The following PAK3 variants were observed in gnomAD, a reference collection of about 807,000 sequenced individuals.
PAK3 encodes p21 (RAC1) activated kinase 3.
Under a neutral mutation model 41.0 loss-of-function variants are expected in PAK3, and 4 were observed. The observed-to-expected ratio is 0.10, with a 90% CI of 0.05 to 0.22. The LOEUF is 0.22. Among genes scored for constraint, PAK3 ranks in the 10% least tolerant of loss-of-function variants. PAK3 has a pLI of 1.00. For missense variants in PAK3, 205 were observed against 409.9 expected (o/e 0.50, Z 4.32); for synonymous variants, 146 against 139.6 (o/e 1.05, Z -0.32).
At chrX:111,188,908 C>A (rs1399951541) in intron 11 of PAK3, among the ~76,000 whole-genome samples, 1 of 111,869 alleles carries the variant, frequency 8.9e-6, no homozygotes, top group Non-Finnish European at 1.9e-5. Context: ...ACCAGAGTCA[C>A]TTTTATTTAT....
At chrX:111,032,267 T>G (rs1426605883) in intron 1 of PAK3, among the ~76,000 whole-genome samples, 1 of 112,114 alleles carries the variant, frequency 8.9e-6, no homozygotes, top group Non-Finnish European at 1.9e-5. Context: ...TCAGAAACTT[T>G]CCCAAGCTTG....
At position 111,224,371 on chromosome X, in the gene PAK3, C is replaced by T. The variant is rs1054220917; in HGVS notation, c.*3924C>T. 3 of 111,330 alleles carry T rather than the reference C, an allele frequency of 2.7e-5. No homozygotes were observed. The highest frequency in any genetic ancestry group is 6.5e-5 in the African/African-American group (2 of 30,598). The allele number at this position is 111,330 out of a possible 1,213,427, so 9.2% of individuals were successfully genotyped here. On this transcript the variant is annotated 3_prime_UTR_variant, in exon 18 of 18. Transcript: ENST00000372007. ...TGTTGCAGATATTGCCTTTCTGGAA[C>T]GTTTTAACAGACTCTCAGGTTGAAT... is the stretch of plus-strand genomic sequence containing the variant.
chrX:111,122,817 C>G (rs2093597741), intron 4 of PAK3, among the ~76,000 whole-genome samples: 1 of 111,474 alleles, frequency 9.0e-6, no homozygotes, highest in Admixed American at 9.5e-5. Context: ...GTGGGAAAAG[C>G]AAAGGGACTT....
intron 1 of PAK3, among the ~76,000 whole-genome samples, chrX:110,986,040 CTAGT>C (rs1269379924): frequency 9.0e-6 from 1 of 111,686 alleles, no homozygotes; most frequent in Non-Finnish European, 1.9e-5. Flanking sequence ...GAGTGTAGGT[CTAGT>C]TAGTGTCCCC....
chrX:111,022,723 C>T (rs1409845938), intron 1 of PAK3, among the ~76,000 whole-genome samples: 2 of 110,966 alleles, frequency 1.8e-5, no homozygotes, highest in Non-Finnish European at 3.8e-5. Flanking sequence ...CTGAATGCTC[C>T]ACTTGAAAGA....
chrX:110,978,664 T>C (rs893318825), intron 1 of PAK3, among the ~76,000 whole-genome samples: 1 of 111,174 alleles, frequency 9.0e-6, no homozygotes, highest in Non-Finnish European at 1.9e-5. Context: ...CTTTCTTTCT[T>C]CCTTTCTTCT....
chrX:111,132,620 C>T (rs190018818), intron 5 of PAK3, among the ~76,000 whole-genome samples: 3 of 111,475 alleles, frequency 2.7e-5, no homozygotes, highest in East Asian at 2.8e-4. Flanking sequence ...AATGGAAGAC[C>T]ACAGGATAGA....
At chrX:110,991,331 C>T (rs2091642163) in intron 1 of PAK3, among the ~76,000 whole-genome samples, 2 of 111,562 alleles carry the variant, frequency 1.8e-5, no homozygotes, top group Admixed American at 1.9e-4. Context: ...ATGATTAGTA[C>T]TCAATAAATG....
chrX:111,186,547 G>A (rs1041174166), intron 11 of PAK3, among the ~76,000 whole-genome samples: 2 of 111,349 alleles, frequency 1.8e-5, no homozygotes, highest in Non-Finnish European at 1.9e-5. Context: ...GCTACAAAAA[G>A]AATAAAATAC....
intron 4 of PAK3, among the ~76,000 whole-genome samples, chrX:111,120,910 C>A (rs902932042): frequency 2.0e-4 from 22 of 111,862 alleles, no homozygotes; most frequent in African/African-American, 6.8e-4. Context: ...TTCTCTGTGA[C>A]TAAATTAAAA....
chrX:111,116,571 G>A (rs2148967289), intron 4 of PAK3, among the ~76,000 whole-genome samples: 1 of 111,908 alleles, frequency 8.9e-6, no homozygotes, highest in African/African-American at 3.2e-5. Flanking sequence ...GCAGTATATG[G>A]AGTCTGGATG....
Position 111,196,457 on chromosome X carries a change from C to T in PAK3, c.1224C>T (p.Phe408=). The part of the protein sequence containing the change: ...DGSVKLTDFG[F]CAQITPEQSK... ...TCTTCTCTGCAGCTGACTTTGGGTT[C>T]TGTGCCCAGATCACTCCTGAGCAAA... The change falls in exon 16 of 18, where the codon TTC becomes TTT. Residue 408 remains phenylalanine, a synonymous_variant. Transcript: ENST00000372007. The T allele has an allele frequency of 8.3e-7, 1 of 1,209,327 alleles. No individual in the cohort carries two copies. The highest frequency in any genetic ancestry group is 1.1e-6 in the Non-Finnish European group (1 of 893,152).
At chrX:111,144,785 G>A in intron 6 of PAK3, 4 of 558,157 alleles carry the variant, frequency 7.2e-6, no homozygotes, top group Non-Finnish European at 8.7e-6. Flanking sequence ...AGTAGGTTGG[G>A]AGGTGAGATT....
intron 5 of PAK3, among the ~76,000 whole-genome samples, chrX:111,123,785 T>C (rs1223356234): frequency 8.9e-6 from 1 of 111,894 alleles, no homozygotes; most frequent in African/African-American, 3.3e-5. Context: ...TTGTTTCCAT[T>C]ATCATTCTTC....
At chrX:111,025,005 C>G (rs2092248172) in intron 1 of PAK3, among the ~76,000 whole-genome samples, 1 of 111,249 alleles carries the variant, frequency 9.0e-6, no homozygotes, top group South Asian at 3.7e-4. Flanking sequence ...ACCCTCAAAA[C>G]CATGCAAATA....
intron 1 of PAK3, among the ~76,000 whole-genome samples, chrX:110,969,763 G>T (rs1445570147): frequency 1.8e-5 from 2 of 111,525 alleles, no homozygotes; most frequent in African/African-American, 6.5e-5. Context: ...CCTTAATATT[G>T]GGTAAAACAA....
rs186811517 is a variant in PAK3, at chrX:111,195,015, A to C, written c.1110+597A>C. 4.7e-3 allele frequency among the ~76,000 whole-genome samples: 522 copies of C among 112,048 alleles called. 1 individual carries two copies. The highest frequency in any genetic ancestry group is 0.016 in the African/African-American group (495 of 30,828). On this transcript the variant is annotated intron_variant, in intron 14 of 17. Coordinates refer to ENST00000372007, the MANE Select transcript of PAK3 (RefSeq NM_002578.5). ...ATATTTATTTTGTTGAATATTAAAA[A>C]ACACACACACTTTTTTACTGGAGTC... is the stretch of plus-strand genomic sequence containing the variant.
chrX:111,059,775 C>A (rs935702297), intron 1 of PAK3, among the ~76,000 whole-genome samples: 3 of 111,555 alleles, frequency 2.7e-5, no homozygotes, highest in African/African-American at 9.8e-5. Flanking sequence ...AATTGTTTTT[C>A]TGCTAATCTT....
intron 11 of PAK3, among the ~76,000 whole-genome samples, chrX:111,175,375 T>G (rs757133747): frequency 3.6e-5 from 4 of 112,020 alleles, no homozygotes; most frequent in African/African-American, 1.3e-4. Context: ...TATTTTTTAT[T>G]GATTACATGT....
Sources: allele counts gnomAD v4.1 joint callset (sites outside exome capture counted in the v4.1 genomes callset), GRCh38; gene constraint gnomAD v4.1.1; transcripts MANE v1.5; gene names NCBI Gene and HGNC (gene_info 2026-07-23, HGNC 2026-07-21).